The following LATS1 variants were observed in gnomAD, a reference collection of about 807,000 sequenced individuals.
LATS1 encodes serine/threonine-protein kinase LATS1.
Under a neutral mutation model 106.6 loss-of-function variants are expected in LATS1, and 25 were observed. The observed-to-expected ratio is 0.23, with a 90% CI of 0.17 to 0.33. LATS1 has a LOEUF of 0.33. Ranked by LOEUF, LATS1 falls within the 10% of genes least tolerant of loss-of-function variation. The pLI is 1.00. For synonymous variants in LATS1, 465 were observed against 455.6 expected (o/e 1.02, Z -0.26); for missense variants, 1,040 against 1,382.6 (o/e 0.75, Z 3.93).
intron 1 of LATS1, among the ~76,000 whole-genome samples, chr6:149,706,183 C>CAAAAGAAAA (rs1402124612): frequency 4.0e-5 from 1 of 25,266 alleles, no homozygotes; most frequent in African/African-American, 1.5e-4. Context: ...AACCCGGTCG[C>CAAAAGAAAA]AAAAAAAAAA....
At position 149,701,946 on chromosome 6, in the gene LATS1, C is replaced by T; in HGVS notation, c.181G>A (p.Asp61Asn). The change falls in exon 2 of 8, where the codon GAT (aspartate) becomes AAT (asparagine). Residue 61 changes from aspartate (D) to asparagine (N), a missense_variant. Physicochemically the swap from Asp to Asn is conservative, Grantham distance 23. Around this residue, in one of 7 missense-constraint regions of LATS1, gnomAD observed 624 missense variants for 714.8 expected, o/e 0.87. Transcript: ENST00000543571. ...EHNMSKMSTE[D>N]PRQVRNPPKF... ...GGTGGATTTCTGACTTGTCGAGGAT[C>T]TTCGGTTGACATTTTACTCATGTTA... The T allele has an allele frequency of 1.2e-6, 2 of 1,614,166 alleles. No homozygotes were observed. The highest frequency in any genetic ancestry group is 1.7e-6 in the Non-Finnish European group (2 of 1,180,026).
Position 149,661,113 on chromosome 6 carries a change from G to T in LATS1, c.*616C>A. 1.3e-5 allele frequency: 1 copy of T among 78,316 alleles called. No homozygotes were observed. The highest frequency in any genetic ancestry group is 2.2e-5 in the Non-Finnish European group (1 of 45,126). The allele number at this position is 78,316 out of a possible 1,614,324, so 4.9% of individuals were successfully genotyped here. ...AGATTAAATATTCCATGGGGCGGGG[G>T]GTGGGGGGGAAGATAAATGCATTAT... On this transcript the variant is annotated 3_prime_UTR_variant, in exon 8 of 8. Transcript: ENST00000543571.
intron 1 of LATS1, among the ~76,000 whole-genome samples, chr6:149,702,970 G>GC (rs1783553041): frequency 6.7e-6 from 1 of 149,634 alleles, no homozygotes; most frequent in East Asian, 2.0e-4. Context: ...ACCGTGCCCA[G>GC]CCTTTTTTTT....
intron 1 of LATS1, among the ~76,000 whole-genome samples, chr6:149,704,859 T>A (rs911048958): frequency 2.0e-5 from 3 of 148,262 alleles, no homozygotes; most frequent in Non-Finnish European, 3.0e-5. Context: ...TTTAATTTTT[T>A]AAAATTTATA....
chr6:149,679,847 CTAAAA>C lies in LATS1; in HGVS notation c.2593+23_2593+27del, dbSNP rs760584363. On this transcript the variant is annotated intron_variant, in intron 5 of 7. Transcript: ENST00000543571. ...AATAAATTACATTATTATGAACAAA[CTAAAA>C]TAAATTTTATGAGTTTACTTACCAC... is the stretch of plus-strand genomic sequence containing the variant. The C allele has an allele frequency of 1.4e-5, 20 of 1,441,652 alleles. No individual in the cohort carries two copies. In the South Asian group the frequency reaches 1.5e-4, roughly 11 times the overall value. The allele number at this position is 1,441,652 out of a possible 1,614,324, so 89.3% of individuals were successfully genotyped here.
chr6:149,668,375 G>T lies in LATS1; in HGVS notation c.2884-6137C>A, dbSNP rs1295999172. ...TAGAGAAGGAATCTTGAAACACCAGGAAAGCATGAAGAGCAAGGAAAACGC... is the reference window on the plus strand; with the variant it reads ...TAGAGAAGGAATCTTGAAACACCAGTAAAGCATGAAGAGCAAGGAAAACGC... On this transcript the variant is annotated intron_variant, in intron 7 of 7. Coordinates refer to ENST00000543571, the MANE Select transcript of LATS1 (RefSeq NM_004690.4). Among the ~76,000 whole-genome samples, 7 of 151,840 alleles carry T rather than the reference G, an allele frequency of 4.6e-5. 1 individual carries two copies. Among genetic ancestry groups the T allele is most frequent in the African/African-American group, 1.7e-4 (7 of 41,214 alleles).
chr6:149,684,502 T>C lies in LATS1; in HGVS notation c.587A>G (p.Glu196Gly). The C allele has an allele frequency of 6.2e-7, 1 of 1,614,150 alleles. No individual in the cohort carries two copies. Among genetic ancestry groups the C allele is most frequent in the Non-Finnish European group, 8.5e-7 (1 of 1,179,990 alleles). ...ACTCTCAGAATGATAGGCCACACTT[T>C]CTCCTAGTGGCGGGCCATGCCTCTG... ...VPQRHGPPLG[E>G]SVAYHSESPN... The change falls in exon 4 of 8, where the codon GAA becomes GGA. Residue 196 changes from glutamate to glycine, a missense_variant. Coordinates refer to ENST00000543571, the MANE Select transcript of LATS1 (RefSeq NM_004690.4).
chr6:149,702,398 G>C, intron 1 of LATS1, 132 bp from the exon 2 acceptor site: 1 of 302,292 alleles, frequency 3.3e-6, no homozygotes, highest in Non-Finnish European at 6.1e-6. Context: ...GGATTACTCC[G>C]GGTTCAGGAC....
In LATS1 at chr6:149,683,673, T is replaced by C; in HGVS notation, c.1416A>G (p.Arg472=). 1 of 1,614,184 alleles carries C rather than the reference T, an allele frequency of 6.2e-7. No individual in the cohort carries two copies. Among genetic ancestry groups the C allele is most frequent in the Non-Finnish European group, 8.5e-7 (1 of 1,180,036 alleles). The change falls in exon 4 of 8, where the codon AGA becomes AGG. Residue 472 remains arginine, a synonymous_variant. Coordinates refer to ENST00000543571, the MANE Select transcript of LATS1 (RefSeq NM_004690.4). ...GCTGAGAATTAGCAGAGTGACTTGC[T>C]CTATTTCCTAATGGGTTATTAAAAG... ...SNSFNNPLGN[R]ASHSANSQPS...
chr6:149,702,066 T>C lies in LATS1; in HGVS notation c.61A>G (p.Ser21Gly), dbSNP rs1475297285. ...RQMRPKTFPA[S>G]NYTVSSRQML... is the part of the protein sequence containing the mutation. ...TGCCGGCTACTGACAGTATAGTTACTGGCAGGAAAGGTCTTAGGCCTCATT... is the reference window on the plus strand; with the variant it reads ...TGCCGGCTACTGACAGTATAGTTACCGGCAGGAAAGGTCTTAGGCCTCATT... The change falls in exon 2 of 8, where the codon AGT (serine) becomes GGT (glycine). Residue 21 changes from serine (S) to glycine (G), a missense_variant. Ser to Gly is a moderately conservative substitution (Grantham distance 56). Transcript: ENST00000543571. 3.7e-6 allele frequency: 6 copies of C among 1,614,184 alleles called. No individual in the cohort carries two copies. Among genetic ancestry groups the C allele is most frequent in the Non-Finnish European group, 5.1e-6 (6 of 1,180,034 alleles).
chr6:149,699,529 A>G (rs935092304), intron 2 of LATS1, among the ~76,000 whole-genome samples: 1 of 152,230 alleles, frequency 6.6e-6, no homozygotes, highest in Non-Finnish European at 1.5e-5. Flanking sequence ...TTGGACAAAC[A>G]GGGAATGATA....
In LATS1 at chr6:149,680,511, T is replaced by C. The variant is rs1038885375; in HGVS notation, c.2011-54A>G. The C allele has an allele frequency of 1.9e-5, 24 of 1,276,104 alleles. No individual in the cohort carries two copies. The Admixed American group carries it at 2.0e-4, about 11-fold the overall frequency. 79.0% of individuals were successfully genotyped at this position (1,276,104 alleles called of 1,614,324 possible). A position where few individuals can be genotyped will look rare whatever the true frequency, so the allele number is the denominator to read the frequency against. On this transcript the variant is annotated intron_variant, in intron 4 of 7. Coordinates refer to ENST00000543571, the MANE Select transcript of LATS1 (RefSeq NM_004690.4). ...GAATTATCTTCTTCAATATTGAATA[T>C]TAAGAAATAGCTTGGGAAAAATTCA...
Position 149,683,457 on chromosome 6 carries a change from T to G in LATS1, c.1632A>C (p.Pro544=), listed in dbSNP as rs1782169678. 1 of 1,614,074 alleles carries G rather than the reference T, an allele frequency of 6.2e-7. No homozygotes were observed. Among genetic ancestry groups the G allele is most frequent in the South Asian group, 1.1e-5 (1 of 91,092 alleles). Residue 544 remains proline, a synonymous_variant, in exon 4 of 8, where the codon CCA becomes CCC. Coordinates refer to ENST00000543571, the MANE Select transcript of LATS1 (RefSeq NM_004690.4). ...GATAGTTTGGAGCTTCAGCAACAGG[T>G]GGCATCACAGTCACATTTGAAGCGG... ...EGTASNVTVM[P]PVAEAPNYQG... is the part of the protein sequence containing the mutation.
chr6:149,689,503 C>T (rs1782596995), intron 3 of LATS1, among the ~76,000 whole-genome samples: 1 of 151,354 alleles, frequency 6.6e-6, no homozygotes, highest in Admixed American at 6.6e-5. Flanking sequence ...AGGGATAATT[C>T]CAGCTATCTT....
intron 1 of LATS1, among the ~76,000 whole-genome samples, chr6:149,707,029 T>TTG (rs1783817110): frequency 6.7e-6 from 1 of 148,654 alleles, no homozygotes; most frequent in South Asian, 2.2e-4. Flanking sequence ...TTTTTTTTTT[T>TTG]TTTGAAGATG....
intron 1 of LATS1, among the ~76,000 whole-genome samples, chr6:149,706,647 C>T (rs1243657349): frequency 6.6e-6 from 1 of 152,144 alleles, no homozygotes; most frequent in Non-Finnish European, 1.5e-5. Context: ...GTAAGTCCCA[C>T]ATGCAATTAC....
chr6:149,702,719 T>G (rs1474668565), intron 1 of LATS1, among the ~76,000 whole-genome samples: 1 of 152,214 alleles, frequency 6.6e-6, no homozygotes, highest in Admixed American at 6.5e-5. Context: ...TCACCCAGAC[T>G]GGAGTGCAGT....
chr6:149,661,743 G>C lies in LATS1; in HGVS notation c.3379C>G (p.Leu1127Val), dbSNP rs1408988559. Reference sequence around the variant, plus strand: ...TTACTAGTGTGTTAAACATATACTAGATCGCGATTTTTAATCTCTGAGCCT... The same window carrying C: ...TTACTAGTGTGTTAAACATATACTACATCGCGATTTTTAATCTCTGAGCCT... ...NTGSEIKNRD[L>V]VYV The change falls in exon 8 of 8, where the codon CTA becomes GTA. Residue 1127 changes from leucine to valine, a missense_variant. Transcript: ENST00000543571. The C allele has an allele frequency of 6.4e-7, 1 of 1,563,238 alleles. No individual in the cohort carries two copies. Among genetic ancestry groups the C allele is most frequent in the South Asian group, 1.2e-5 (1 of 81,980 alleles).
chr6:149,714,566 C>T (rs959084860), intron 1 of LATS1, among the ~76,000 whole-genome samples: 4 of 151,950 alleles, frequency 2.6e-5, no homozygotes, highest in African/African-American at 7.3e-5. Context: ...GAGTTATCTT[C>T]AGAAGAAGCT....
Sources: allele counts gnomAD v4.1 joint callset (sites outside exome capture counted in the v4.1 genomes callset), GRCh38; gene constraint gnomAD v4.1.1; regional missense constraint gnomAD v4.1.1; transcripts MANE v1.5; gene names NCBI Gene and HGNC (gene_info 2026-07-23, HGNC 2026-07-21).